The following PLD5 variants were observed in gnomAD, a reference collection of about 807,000 sequenced individuals.
PLD5 encodes the protein phospholipase D family member 5.
PLD5 carries 36 observed loss-of-function variants against 61.1 expected under a neutral mutation model. The observed-to-expected ratio is 0.59, with a 90% confidence interval of 0.45 to 0.78. PLD5 has a LOEUF of 0.78. PLD5 is among the 30% of genes least tolerant of loss of function. The pLI, the probability that PLD5 is intolerant of heterozygous loss-of-function variation, is 0.00. For synonymous variants in PLD5, 243 were observed against 242.8 expected, an observed-to-expected ratio of 1.00 and a Z score of -0.01; for missense variants, 515 against 644.4, an observed-to-expected ratio of 0.80 and a Z score of 2.17.
chr1:242,221,150 T>C (rs1041268511), intron 4 of PLD5, among the ~76,000 whole-genome samples: 2 of 152,238 alleles, frequency 1.3e-5, no homozygotes, highest in African/African-American at 2.4e-5. Context: ...CCAATTGTTT[T>C]AGGCTTCATG....
chr1:242,210,259 G>A (rs975937282), intron 5 of PLD5: 1 of 152,254 alleles, frequency 6.6e-6, no homozygotes, highest in Non-Finnish European at 1.5e-5. Flanking sequence ...TGTTAAGAAA[G>A]CAAAACAGCC....
Position 242,265,465 on chromosome 1 carries a change from G to A in PLD5, c.496-17C>T. The A allele has an allele frequency of 6.3e-7, 1 of 1,586,552 alleles. No homozygotes were observed. The highest frequency in any genetic ancestry group is 8.6e-7 in the Non-Finnish European group (1 of 1,164,764). On this transcript the variant is annotated splice_polypyrimidine_tract_variant and intron_variant, in intron 3 of 9. Coordinates refer to ENST00000536534, the MANE Select transcript of PLD5 (RefSeq NM_001372062.1). Reference sequence around the variant, plus strand: ...ACGTTGACCCTGGAAAAAATATTCAGAGACAAAGAAAGTCAGAAAACCTAA... The same window carrying A: ...ACGTTGACCCTGGAAAAAATATTCAAAGACAAAGAAAGTCAGAAAACCTAA...
At chr1:242,134,683 T>C (rs1001527414) in intron 5 of PLD5, among the ~76,000 whole-genome samples, 3 of 152,226 alleles carry the variant, frequency 2.0e-5, no homozygotes, top group African/African-American at 7.2e-5. Context: ...CTTTGTGATT[T>C]AGAGCATTGC....
chr1:242,222,589 C>T (rs1219815227), intron 4 of PLD5, among the ~76,000 whole-genome samples: 1 of 152,222 alleles, frequency 6.6e-6, no homozygotes, highest in African/African-American at 2.4e-5. Flanking sequence ...TTGCCATTTG[C>T]ATCAGACTGT....
At chr1:242,518,497 G>A (rs749364929) in intron 1 of PLD5, among the ~76,000 whole-genome samples, 9 of 152,162 alleles carry the variant, frequency 5.9e-5, no homozygotes, top group Middle Eastern at 3.2e-3. Flanking sequence ...AATTCAGTAA[G>A]AGAACATAAC....
chr1:242,361,512 G>C (rs892879802), intron 1 of PLD5, among the ~76,000 whole-genome samples: 1 of 151,966 alleles, frequency 6.6e-6, no homozygotes, highest in African/African-American at 2.4e-5. Context: ...ATTTAATCAA[G>C]GGAAGCAAGT....
chr1:242,164,510 A>G (rs2148857009), intron 5 of PLD5, among the ~76,000 whole-genome samples: 1 of 152,302 alleles, frequency 6.6e-6, no homozygotes, highest in East Asian at 1.9e-4. Flanking sequence ...TGCAAATGGA[A>G]TTCAGGTCAA....
chr1:242,497,543 A>G (rs1421981619), intron 1 of PLD5, among the ~76,000 whole-genome samples: 1 of 152,196 alleles, frequency 6.6e-6, no homozygotes, highest in Non-Finnish European at 1.5e-5. Flanking sequence ...TGAGCCATCC[A>G]TTGGAACAGG....
intron 9 of PLD5, among the ~76,000 whole-genome samples, chr1:242,099,896 T>G (rs1340285318): frequency 6.6e-6 from 1 of 152,232 alleles, no homozygotes; most frequent in Non-Finnish European, 1.5e-5. Flanking sequence ...ATGTACCTTC[T>G]GATAGATCGT....
At position 242,377,121 on chromosome 1, in the gene PLD5, T is replaced by G. The variant is rs1401512070; in HGVS notation, c.190-28879A>C. The G allele has an allele frequency of 8.1e-6, 13 of 1,611,710 alleles. No individual in the cohort carries two copies. In the African/African-American group the frequency reaches 1.5e-4, roughly 18 times the overall value. ...GTTATCTTCCCCAGCCCCATTTTGCTTGGACACTGGCTGAGGTTCCTTTAA... is the reference window on the plus strand; with the variant it reads ...GTTATCTTCCCCAGCCCCATTTTGCGTGGACACTGGCTGAGGTTCCTTTAA... On this transcript the variant is annotated intron_variant, in intron 1 of 9. Coordinates refer to ENST00000536534, the MANE Select transcript of PLD5 (RefSeq NM_001372062.1).
At chr1:242,113,831 C>G (rs1054223252) in intron 7 of PLD5, 59 bp downstream of exon 7, 40 of 1,549,700 alleles carry the variant, frequency 2.6e-5, no homozygotes, top group Non-Finnish European at 3.4e-5. Flanking sequence ...CCTGTGGTGC[C>G]CAGTTTAGTG....
intron 1 of PLD5, among the ~76,000 whole-genome samples, chr1:242,410,261 A>G (rs1664475399): frequency 6.6e-6 from 1 of 152,226 alleles, no homozygotes; most frequent in African/African-American, 2.4e-5. Flanking sequence ...TAATGGAGGA[A>G]TGAGCAGCTA....
intron 2 of PLD5, among the ~76,000 whole-genome samples, chr1:242,295,205 G>A (rs1675587014): frequency 6.6e-6 from 1 of 151,916 alleles, no homozygotes; most frequent in South Asian, 2.1e-4. Context: ...CATAATGCTG[G>A]GGTTCGGGCT....
chr1:242,424,617 T>C (rs979800685), intron 1 of PLD5, among the ~76,000 whole-genome samples: 1 of 152,082 alleles, frequency 6.6e-6, no homozygotes, highest in East Asian at 1.9e-4. Context: ...GTTTTATCCA[T>C]ATCACCTGAG....
At chr1:242,239,989 G>C (rs1483055623) in intron 4 of PLD5, among the ~76,000 whole-genome samples, 2 of 152,206 alleles carry the variant, frequency 1.3e-5, no homozygotes, top group Non-Finnish European at 2.9e-5. Context: ...TACAGAAAGG[G>C]ATGCAGAAAA....
chr1:242,253,048 C>T (rs1558399578), intron 4 of PLD5, among the ~76,000 whole-genome samples: 1 of 151,394 alleles, frequency 6.6e-6, no homozygotes, highest in African/African-American at 2.4e-5. Flanking sequence ...AACTCCTGAC[C>T]TCATGATCCG....
At chr1:242,305,597 T>G (rs1179051797) in intron 2 of PLD5, among the ~76,000 whole-genome samples, 1 of 152,118 alleles carries the variant, frequency 6.6e-6, no homozygotes, top group Non-Finnish European at 1.5e-5. Context: ...TCTTGCTCTG[T>G]CACCCAGGCT....
chr1:242,410,902 T>TAG (rs774781505), intron 1 of PLD5, among the ~76,000 whole-genome samples: 1 of 151,702 alleles, frequency 6.6e-6, no homozygotes, highest in Admixed American at 6.6e-5. Flanking sequence ...TGATCAGAAT[T>TAG]AGAGTGTTGG....
chr1:242,239,326 C>A (rs12759174), intron 4 of PLD5, among the ~76,000 whole-genome samples: 16,328 of 152,070 alleles, frequency 0.11, 1,141 homozygotes, highest in South Asian at 0.25. Flanking sequence ...TGATTGGAAG[C>A]CTATAATTCT....
Sources: allele counts gnomAD v4.1 joint callset (sites outside exome capture counted in the v4.1 genomes callset), GRCh38; gene constraint gnomAD v4.1.1; transcripts MANE v1.5; gene names NCBI Gene and HGNC (gene_info 2026-07-23, HGNC 2026-07-21).